ELOVL6: variants seen among roughly 807,000 people sequenced by gnomAD.
ELOVL6 encodes the protein ELOVL fatty acid elongase 6.
A neutral mutation model predicts 31.7 loss-of-function variants in ELOVL6; 8 were observed. That is an observed-to-expected ratio of 0.25 (90% CI 0.15 to 0.45). The LOEUF (loss-of-function observed/expected upper bound fraction) is 0.45, where lower values mean the gene tolerates loss of function less well. Among genes scored for constraint, ELOVL6 ranks in the 20% least tolerant of loss-of-function variants. ELOVL6 has a pLI of 1.00. For missense variants in ELOVL6, 126 were observed against 326.4 expected (o/e 0.39, Z 4.73); for synonymous variants, 101 against 117.7 (o/e 0.86, Z 0.92).
chr4:110,157,347 G>A (rs1758476876), intron 1 of ELOVL6, among the ~76,000 whole-genome samples: 2 of 152,154 alleles, frequency 1.3e-5, no homozygotes, highest in Admixed American at 6.6e-5. Flanking sequence ...ATTAGAGGGA[G>A]GGAAAAGAAG....
chr4:110,183,703 T>C (rs995186199), intron 1 of ELOVL6, among the ~76,000 whole-genome samples: 5 of 152,162 alleles, frequency 3.3e-5, no homozygotes, highest in African/African-American at 9.7e-5. Context: ...TAGAGAAGTC[T>C]TTTTTTAAAA....
At chr4:110,083,931 TAGAG>T (rs1430689897) in intron 2 of ELOVL6, among the ~76,000 whole-genome samples, 1 of 10,114 alleles carries the variant, frequency 9.9e-5, no homozygotes, top group African/African-American at 3.1e-4. Flanking sequence ...ATAATATATA[TAGAG>T]ATATATATAA....
chr4:110,101,038 T>TTTTG (rs1209903033), intron 2 of ELOVL6, among the ~76,000 whole-genome samples: 1 of 152,182 alleles, frequency 6.6e-6, no homozygotes, highest in Non-Finnish European at 1.5e-5. Flanking sequence ...AAAAGCAGTT[T>TTTTG]TTTGTTTGTT....
At position 110,070,114 on chromosome 4, in the gene ELOVL6, C is replaced by T. The variant is rs189337713; in HGVS notation, c.222-10360G>A. Among the ~76,000 whole-genome samples, 5 of 152,290 alleles carry T rather than the reference C, an allele frequency of 3.3e-5. No homozygotes were observed. The East Asian group carries it at 7.7e-4, about 23-fold the overall frequency. On this transcript the variant is annotated intron_variant, in intron 2 of 3. Transcript: ENST00000302274. ...CTGGTGGGTATGCTTTCTTCCCTTGCCTTTTCTTCTTCACTCAACTATGGA... is the reference window on the plus strand; with the variant it reads ...CTGGTGGGTATGCTTTCTTCCCTTGTCTTTTCTTCTTCACTCAACTATGGA...
intron 1 of ELOVL6, among the ~76,000 whole-genome samples, chr4:110,129,101 T>C (rs1026682818): frequency 1.3e-5 from 2 of 152,264 alleles, no homozygotes; most frequent in African/African-American, 2.4e-5. Flanking sequence ...AGAAAAATTA[T>C]GTATAAATCT....
chr4:110,194,390 G>A (rs1759712640), intron 1 of ELOVL6, among the ~76,000 whole-genome samples: 1 of 152,116 alleles, frequency 6.6e-6, no homozygotes, highest in Non-Finnish European at 1.5e-5. Context: ...TTTTTCACTG[G>A]ACATGTAGTT....
intron 1 of ELOVL6, among the ~76,000 whole-genome samples, chr4:110,108,765 G>A (rs1369743538): frequency 1.3e-5 from 2 of 152,198 alleles, no homozygotes; most frequent in Admixed American, 6.5e-5. Flanking sequence ...CAGGGTCACA[G>A]GTAGTTAATG....
At chr4:110,180,939 C>T (rs1474891809) in intron 1 of ELOVL6, among the ~76,000 whole-genome samples, 1 of 152,120 alleles carries the variant, frequency 6.6e-6, no homozygotes, top group Non-Finnish European at 1.5e-5. Context: ...GAATTCAAGA[C>T]CAGCCCAGGC....
intron 2 of ELOVL6, among the ~76,000 whole-genome samples, chr4:110,062,628 T>G (rs535731178): frequency 6.6e-6 from 1 of 152,338 alleles, no homozygotes; most frequent in East Asian, 1.9e-4. Flanking sequence ...AGAGGCAGCG[T>G]GATGCAGCAG....
At chr4:110,123,045 GGTACA>G (rs1757397395) in intron 1 of ELOVL6, among the ~76,000 whole-genome samples, 1 of 151,940 alleles carries the variant, frequency 6.6e-6, no homozygotes, top group Non-Finnish European at 1.5e-5. Flanking sequence ...AATCCTGAAG[GGTACA>G]GATTGTATCT....
At position 110,080,832 on chromosome 4, in the gene ELOVL6, T is replaced by C. The variant is rs1480158612; in HGVS notation, c.222-21078A>G. Among the ~76,000 whole-genome samples the C allele has an allele frequency of 2.6e-5, 4 of 151,998 alleles. No homozygotes were observed. In the East Asian group the frequency reaches 7.7e-4, roughly 29 times the overall value. ...TGTTTGCAGATGACATGATTGTATA[T>C]CTAGAAAACCCCATCATCTCAGCCC... On this transcript the variant is annotated intron_variant, in intron 2 of 3. Transcript: ENST00000302274.
intron 3 of ELOVL6, among the ~76,000 whole-genome samples, chr4:110,056,122 T>TGGA (rs1553953493): frequency 8.1e-6 from 1 of 123,194 alleles, no homozygotes; most frequent in Non-Finnish European, 1.7e-5. Flanking sequence ...TTGTGGGAGC[T>TGGA]GGGGGGGGGG....
At chr4:110,097,595 G>T (rs991515159) in intron 2 of ELOVL6, among the ~76,000 whole-genome samples, 1 of 151,984 alleles carries the variant, frequency 6.6e-6, no homozygotes, top group Non-Finnish European at 1.5e-5. Flanking sequence ...ATATGTTTTG[G>T]TGTCATTTTG....
chr4:110,079,157 T>G (rs188450002), intron 2 of ELOVL6, among the ~76,000 whole-genome samples: 292 of 152,216 alleles, frequency 1.9e-3, no homozygotes, highest in Middle Eastern at 3.4e-3. Flanking sequence ...TTTAACACCC[T>G]ACTGTCAACA....
chr4:110,185,436 T>C (rs1025830937), intron 1 of ELOVL6, among the ~76,000 whole-genome samples: 1 of 152,206 alleles, frequency 6.6e-6, no homozygotes, highest in Non-Finnish European at 1.5e-5. Flanking sequence ...AAGTCTCTAG[T>C]ACAGACTTAC....
chr4:110,086,427 A>G (rs1056909119), intron 2 of ELOVL6, among the ~76,000 whole-genome samples: 2 of 152,244 alleles, frequency 1.3e-5, no homozygotes, highest in Admixed American at 1.3e-4. Context: ...TGAATCTCTT[A>G]CATCTAAATT....
chr4:110,063,464 C>A (rs1160401824), intron 2 of ELOVL6, among the ~76,000 whole-genome samples: 1 of 151,752 alleles, frequency 6.6e-6, no homozygotes, highest in Non-Finnish European at 1.5e-5. Flanking sequence ...AGTTCCTGAT[C>A]CTGACTCTCA....
intron 1 of ELOVL6, among the ~76,000 whole-genome samples, chr4:110,145,425 C>G (rs1031901869): frequency 6.6e-6 from 1 of 152,200 alleles, no homozygotes; most frequent in Non-Finnish European, 1.5e-5. Context: ...TCACAAAGGC[C>G]ATTCCCAAAC....
At position 110,058,568 on chromosome 4, in the gene ELOVL6, G is replaced by T. The variant is rs574296971; in HGVS notation, c.373+1035C>A. On this transcript the variant is annotated intron_variant, in intron 3 of 3. Coordinates refer to ENST00000302274, the MANE Select transcript of ELOVL6 (RefSeq NM_024090.3). ...AATGGACACGGGGCGTGAACAAGGGGCACCTTACAGAAGACTGCTCATAGC... is the reference window on the plus strand; with the variant it reads ...AATGGACACGGGGCGTGAACAAGGGTCACCTTACAGAAGACTGCTCATAGC... Among the ~76,000 whole-genome samples the T allele has an allele frequency of 2.6e-5, 4 of 152,222 alleles. No individual in the cohort carries two copies. The South Asian group carries it at 8.3e-4, about 32-fold the overall frequency.
Sources: allele counts gnomAD v4.1 joint callset (sites outside exome capture counted in the v4.1 genomes callset), GRCh38; gene constraint gnomAD v4.1.1; transcripts MANE v1.5; gene names NCBI Gene and HGNC (gene_info 2026-07-23, HGNC 2026-07-21).